KIAA1217: variants seen among roughly 807,000 people sequenced by gnomAD.
KIAA1217 encodes the protein KIAA1217, also known as sickle tail protein homolog.
KIAA1217 carries 88 observed loss-of-function variants against 163.9 expected under a neutral mutation model. That is an observed-to-expected ratio of 0.54 (90% CI 0.45 to 0.64). The LOEUF (loss-of-function observed/expected upper bound fraction) is 0.64. Among genes scored for constraint, KIAA1217 ranks in the 30% least tolerant of loss-of-function variants. KIAA1217 has a pLI of 0.00. For missense variants in KIAA1217, 2,372 were observed against 2,475.0 expected (o/e 0.96, Z 0.88); for synonymous variants, 903 against 923.1 (o/e 0.98, Z 0.39).
chr10:23,823,590 T>C (rs981964237), intron 1 of KIAA1217, among the ~76,000 whole-genome samples: 1 of 152,120 alleles, frequency 6.6e-6, no homozygotes, highest in African/African-American at 2.4e-5. Flanking sequence ...TAATAAAACA[T>C]ATTCATAGGT....
chr10:24,454,826 C>T (rs1169895593), intron 5 of KIAA1217, among the ~76,000 whole-genome samples: 2 of 151,220 alleles, frequency 1.3e-5, no homozygotes, highest in African/African-American at 4.9e-5. Flanking sequence ...AAAAGCAAAT[C>T]TAAAAATATG....
At chr10:23,855,319 C>A (rs1163837616) in intron 1 of KIAA1217, among the ~76,000 whole-genome samples, 1 of 152,164 alleles carries the variant, frequency 6.6e-6, no homozygotes, top group Non-Finnish European at 1.5e-5. Context: ...AAATTCTTTT[C>A]TTTAAGAATG....
chr10:23,746,533 C>T (rs528871466), intron 1 of KIAA1217, among the ~76,000 whole-genome samples: 1 of 152,232 alleles, frequency 6.6e-6, no homozygotes, highest in East Asian at 1.9e-4. Context: ...AGGCCATTCT[C>T]CTGCCTCAGC....
At chr10:24,338,249 A>G (rs2046642572) in intron 2 of KIAA1217, among the ~76,000 whole-genome samples, 1 of 152,188 alleles carries the variant, frequency 6.6e-6, no homozygotes, top group Admixed American at 6.5e-5. Context: ...CGAGACAGCT[A>G]TCCTTTTCTG....
chr10:23,954,626 G>A (rs1844478399), intron 1 of KIAA1217, among the ~76,000 whole-genome samples: 1 of 151,664 alleles, frequency 6.6e-6, no homozygotes, highest in African/African-American at 2.4e-5. Context: ...CAGGAAAGAA[G>A]GAAGGAGGGA....
intron 1 of KIAA1217, among the ~76,000 whole-genome samples, chr10:23,854,636 C>A (rs1005714123): frequency 6.6e-6 from 1 of 151,996 alleles, no homozygotes; most frequent in Non-Finnish European, 1.5e-5. Flanking sequence ...CCATTATTAT[C>A]GTGTGGGAGT....
chr10:23,933,196 A>G (rs181368184), intron 1 of KIAA1217, among the ~76,000 whole-genome samples: 144 of 152,318 alleles, frequency 9.5e-4, no homozygotes, highest in Non-Finnish European at 1.7e-3. Flanking sequence ...TCTTCCCTGC[A>G]AGCTGTGTAA....
rs146332353 is a variant in KIAA1217, at chr10:24,256,688, TTG to T, written c.354+36793_354+36794del. Among the ~76,000 whole-genome samples the T allele has an allele frequency of 1.2e-4, 18 of 152,064 alleles. No homozygotes were observed. In the East Asian group the frequency reaches 3.1e-3, roughly 26 times the overall value. On this transcript the variant is annotated intron_variant, in intron 2 of 20. Transcript: ENST00000376454. ...ACTGTTAGCAGTAGGAGGATTTGCTTTGTGTGTGTGTGTGTCTGTCTGCTTTG... is the reference window on the plus strand; with the variant it reads ...ACTGTTAGCAGTAGGAGGATTTGCTTTGTGTGTGTGTGTCTGTCTGCTTTG...
chr10:24,316,248 T>C (rs948720558), intron 2 of KIAA1217, among the ~76,000 whole-genome samples: 14 of 152,180 alleles, frequency 9.2e-5, no homozygotes, highest in Admixed American at 5.2e-4. Context: ...GTGAGATCCA[T>C]TGGCAGCAGG....
At chr10:24,010,140 G>A (rs1847175755) in intron 2 of KIAA1217, among the ~76,000 whole-genome samples, 1 of 151,478 alleles carries the variant, frequency 6.6e-6, no homozygotes, top group Non-Finnish European at 1.5e-5. Flanking sequence ...CCATCCTTTA[G>A]CTTACTTTAA....
intron 5 of KIAA1217, among the ~76,000 whole-genome samples, chr10:24,457,796 G>T (rs754217577): frequency 1.3e-5 from 2 of 152,048 alleles, no homozygotes; most frequent in Non-Finnish European, 2.9e-5. Context: ...TTCCTTCCTG[G>T]AGGCAACGGG....
In KIAA1217 at chr10:24,209,375, G is replaced by A. The variant is rs569215368; in HGVS notation, c.70+112G>A. ...CCCGGCAAAGGAAAAAAAAAAAAAA[G>A]GCAATTTCTTGGGATGGTACATTTT... On this transcript the variant is annotated intron_variant, in intron 1 of 20. Transcript: ENST00000376454. The A allele has an allele frequency of 3.0e-3, 1,950 of 643,186 alleles. 32 individuals carry two copies. In the African/African-American group the frequency reaches 0.037, roughly 12 times the overall value. The allele number at this position is 643,186 out of a possible 1,614,324, so 39.8% of individuals were successfully genotyped here. A position where few individuals can be genotyped will look rare whatever the true frequency, so the allele number is the denominator to read the frequency against.
At chr10:24,105,122 T>C (rs1448856134) in intron 2 of KIAA1217, among the ~76,000 whole-genome samples, 1 of 152,072 alleles carries the variant, frequency 6.6e-6, no homozygotes, top group Non-Finnish European at 1.5e-5. Flanking sequence ...ACTGTAGAGA[T>C]GCATGCCAAC....
chr10:24,054,276 T>C (rs1047578476), intron 2 of KIAA1217, among the ~76,000 whole-genome samples: 4 of 152,302 alleles, frequency 2.6e-5, no homozygotes, highest in Middle Eastern at 3.4e-3. Flanking sequence ...AGATAGGAAG[T>C]TGAATACGTG....
chr10:24,361,737 A>C (rs1037807262), intron 2 of KIAA1217, among the ~76,000 whole-genome samples: 24 of 152,180 alleles, frequency 1.6e-4, no homozygotes, highest in African/African-American at 5.8e-4. Flanking sequence ...GCCCTTTGGG[A>C]GGCCGAGGCG....
At chr10:24,496,168 A>G (rs765579514) in intron 8 of KIAA1217, among the ~76,000 whole-genome samples, 1 of 152,268 alleles carries the variant, frequency 6.6e-6, no homozygotes, top group Non-Finnish European at 1.5e-5. Flanking sequence ...TGGGGACTTC[A>G]GTTTAGGGCT....
intron 1 of KIAA1217, among the ~76,000 whole-genome samples, chr10:23,813,963 A>G (rs926680401): frequency 2.6e-5 from 4 of 152,192 alleles, no homozygotes; most frequent in African/African-American, 9.7e-5. Context: ...GTAGCTGTCA[A>G]TTCAGGATGA....
chr10:23,901,430 T>C (rs2131244934), intron 1 of KIAA1217, among the ~76,000 whole-genome samples: 1 of 152,136 alleles, frequency 6.6e-6, no homozygotes, highest in South Asian at 2.1e-4. Flanking sequence ...TAAAATATAC[T>C]GATACAAAGC....
chr10:24,280,118 C>T (rs1175725090), intron 2 of KIAA1217, among the ~76,000 whole-genome samples: 3 of 152,066 alleles, frequency 2.0e-5, no homozygotes, highest in East Asian at 1.9e-4. Context: ...TGATGCCTCT[C>T]TAGAAAAGAA....
Sources: gnomAD v4.1 joint callset for allele counts (sites outside exome capture counted in the v4.1 genomes callset) on GRCh38, gnomAD v4.1.1 for gene constraint, MANE v1.5 for transcripts, NCBI Gene and HGNC (gene_info 2026-07-23, HGNC 2026-07-21) for gene names.